HMCN2: variants seen among roughly 807,000 people sequenced by gnomAD.
HMCN2 encodes the protein hemicentin-2.
A neutral mutation model predicts 377.5 loss-of-function variants in HMCN2; 325 were observed. That is an observed-to-expected ratio of 0.86 (90% CI 0.79 to 0.94). The LOEUF is 0.94. HMCN2 is among the 40% of genes least tolerant of loss of function. HMCN2 has a pLI of 0.00. For missense variants in HMCN2, 4,543 were observed against 4,725.3 expected, an observed-to-expected ratio of 0.96 and a Z score of 1.13; for synonymous variants, 2,007 against 2,046.8, an observed-to-expected ratio of 0.98 and a Z score of 0.53.
chr9:130,384,497 G>C lies in HMCN2; in HGVS notation c.8955G>C (p.Gln2985His). The C allele has an allele frequency of 1.5e-6, 2 of 1,304,276 alleles. No homozygotes were observed. Among genetic ancestry groups the C allele is most frequent in the Non-Finnish European group, 2.0e-6 (2 of 988,966 alleles). The allele number at this position is 1,304,276 out of a possible 1,614,324, so 80.8% of individuals were successfully genotyped here. A position where few individuals can be genotyped will look rare whatever the true frequency, so the allele number is the denominator to read the frequency against. Reference protein sequence around the residue: ...NPEVTWYKDSQALSLGEEVFL... With the variant: ...NPEVTWYKDSHALSLGEEVFL... ...AGGTCACGTGGTACAAGGACAGCCA[G>C]GCCCTCTCCCTGGGTGAAGAGGTCT... Residue 2985 changes from glutamine to histidine, a missense_variant, in exon 58 of 98, where the codon CAG becomes CAC. By Grantham distance (24) the Gln-to-His change is conservative. Around this residue, in one of 5 missense-constraint regions of HMCN2, gnomAD observed 736 missense variants for 773.2 expected, o/e 0.95. Transcript: ENST00000683500.
At chr9:130,278,250 G>A (rs1375209219) in intron 1 of HMCN2, among the ~76,000 whole-genome samples, 2 of 151,918 alleles carry the variant, frequency 1.3e-5, no homozygotes, top group East Asian at 3.9e-4. Flanking sequence ...TCAGCCTCCC[G>A]AGTAGCTGGG....
rs1407320232 is a variant in HMCN2 at position 130,363,978 on chromosome 9, GAA to G, written c.6233-734_6233-733del. On this transcript the variant is annotated intron_variant, in intron 40 of 97. Transcript: ENST00000683500. The stretch of plus-strand genomic sequence containing the variant: ...AAAAAAAGAGAAGGAAGGAAGGAAA[GAA>G]AGAAAGAGAAAGGAAGGAAGGAAAG... Among the ~76,000 whole-genome samples the G allele has an allele frequency of 4.0e-5, 6 of 151,154 alleles. No homozygotes were observed. The East Asian group carries it at 1.2e-3, about 29-fold the overall frequency.
Position 130,354,911 on chromosome 9 carries a change from C to G in HMCN2, c.5013C>G (p.Asn1671Lys), listed in dbSNP as rs1251461248. 4 of 1,304,136 alleles carry G rather than the reference C, an allele frequency of 3.1e-6. No individual in the cohort carries two copies. In the Admixed American group the frequency reaches 6.9e-5, roughly 22 times the overall value. 80.8% of individuals were successfully genotyped at this position (1,304,136 alleles called of 1,614,324 possible). A position where few individuals can be genotyped will look rare whatever the true frequency, so the allele number is the denominator to read the frequency against. ...HHEGLPVAES[N>K]ESRLETDGSV... ...AGGGGCTGCCCGTGGCAGAGAGCAACGAGTCGCGGCTGGAGACAGACGGGA... is the reference window on the plus strand; with the variant it reads ...AGGGGCTGCCCGTGGCAGAGAGCAAGGAGTCGCGGCTGGAGACAGACGGGA... The change falls in exon 32 of 98, where the codon AAC becomes AAG. Residue 1671 changes from asparagine (N) to lysine (K), a missense_variant. This residue lies in a region of HMCN2 where 1,032 missense variants were observed against 1,285.1 expected (regional missense o/e 0.80). Transcript: ENST00000683500.
At position 130,369,549 on chromosome 9, in the gene HMCN2, G is replaced by A; in HGVS notation, c.6788-21G>A. ...TGGCCCCAGCAGCTTTCTCTGATGG[G>A]CTTTCTCCCCACCCCAACAGTTCCC... On this transcript the variant is annotated intron_variant, in intron 44 of 97. Coordinates refer to ENST00000683500, the MANE Select transcript of HMCN2 (RefSeq NM_001291815.2). This position sits in a 1 kb window ranked among gnomAD's most constrained non-coding sequence, Gnocchi z 4.5. 1.0e-6 allele frequency: 1 copy of A among 985,488 alleles called. No individual in the cohort carries two copies. The highest frequency in any genetic ancestry group is 1.2e-6 in the Non-Finnish European group (1 of 829,618). The allele number at this position is 985,488 out of a possible 1,614,324, so 61.0% of individuals were successfully genotyped here. A position where few individuals can be genotyped will look rare whatever the true frequency, so the allele number is the denominator to read the frequency against.
chr9:130,430,173 G>C, intron 94 of HMCN2, 111 bp from the exon 95 acceptor site: 1 of 899,840 alleles, frequency 1.1e-6, no homozygotes, highest in East Asian at 2.7e-5. Context: ...GCATGGGAGT[G>C]GCTGGATTCT....
At chr9:130,429,469 G>T in intron 93 of HMCN2, 88 bp from the exon 94 acceptor site, 1 of 1,492,814 alleles carries the variant, frequency 6.7e-7, no homozygotes. Flanking sequence ...CAGGGAGGAG[G>T]CCCAGATATG....
chr9:130,433,359 G>A lies in HMCN2; in HGVS notation c.14906G>A (p.Arg4969Gln), dbSNP rs1286297630. ...TGTGCCGCCCGCAGGACGTGCTTCC[G>A]GCGCTGCTCGCAGGACTGCGGCACG... ...RQGPSPGTCF[R>Q]RCSQDCGTGG... The change falls in exon 98 of 98, where the codon CGG becomes CAG. Residue 4969 changes from arginine to glutamine, a missense_variant. By Grantham distance (43) the Arg-to-Gln change is conservative (BLOSUM62 1). Coordinates refer to ENST00000683500, the MANE Select transcript of HMCN2 (RefSeq NM_001291815.2). The A allele has an allele frequency of 6.9e-7, 1 of 1,457,432 alleles. No homozygotes were observed. The highest frequency in any genetic ancestry group is 9.0e-7 in the Non-Finnish European group (1 of 1,112,240). 90.3% of individuals were successfully genotyped at this position (1,457,432 alleles called of 1,614,324 possible). A position where few individuals can be genotyped will look rare whatever the true frequency, so the allele number is the denominator to read the frequency against.
At chr9:130,368,553 C>A in intron 44 of HMCN2, 116 bp downstream of exon 44, 1 of 455,414 alleles carries the variant, frequency 2.2e-6, no homozygotes, top group Non-Finnish European at 2.9e-6. Flanking sequence ...AGGCTTTCTC[C>A]TCCCTCACGT....
chr9:130,356,484 C>T (rs1345767976), intron 34 of HMCN2, among the ~76,000 whole-genome samples: 1 of 152,206 alleles, frequency 6.6e-6, no homozygotes, highest in Non-Finnish European at 1.5e-5. Context: ...CACTCCTCTC[C>T]CCAGCTTCCT....
chr9:130,346,149 A>G (rs1792519882), intron 25 of HMCN2, among the ~76,000 whole-genome samples: 1 of 151,940 alleles, frequency 6.6e-6, no homozygotes, highest in Admixed American at 6.5e-5. Context: ...GGCTCCCCTG[A>G]GTCAGCGCTG....
intron 74 of HMCN2, 94 bp downstream of exon 74, chr9:130,397,749 C>A: frequency 8.8e-7 from 1 of 1,130,020 alleles, no homozygotes; most frequent in South Asian, 1.5e-5. Flanking sequence ...GGGCCAAGAG[C>A]CAATGGTCTT....
intron 4 of HMCN2, among the ~76,000 whole-genome samples, chr9:130,290,780 A>G (rs1835705872): frequency 6.6e-6 from 1 of 150,570 alleles, no homozygotes; most frequent in Non-Finnish European, 1.5e-5. Flanking sequence ...AAACAGATGC[A>G]TTTTCAGAAT....
At chr9:130,268,263 T>G (rs1449900951) in intron 1 of HMCN2, among the ~76,000 whole-genome samples, 1 of 152,162 alleles carries the variant, frequency 6.6e-6, no homozygotes, top group Non-Finnish European at 1.5e-5. Flanking sequence ...GGCACTGAGC[T>G]GGTGGGCAGT....
At chr9:130,381,937 A>G (rs1272806530) in intron 54 of HMCN2, among the ~76,000 whole-genome samples, 1 of 152,080 alleles carries the variant, frequency 6.6e-6, no homozygotes, top group Admixed American at 6.5e-5. Flanking sequence ...CGTGTGCCCC[A>G]CAGAGGCACT....
intron 1 of HMCN2, among the ~76,000 whole-genome samples, chr9:130,270,095 G>GCTAC (rs1834336657): frequency 6.8e-6 from 1 of 147,962 alleles, no homozygotes; most frequent in African/African-American, 2.4e-5. Context: ...ACAGGCATGA[G>GCTAC]CTACCATGCC....
chr9:130,418,636 G>A (rs1201792414), intron 85 of HMCN2, 136 bp from the exon 86 acceptor site: 13 of 636,392 alleles, frequency 2.0e-5, no homozygotes, highest in Non-Finnish European at 3.1e-5. Flanking sequence ...ACGATGACTG[G>A]GTGGAAGGAT....
At chr9:130,271,213 T>A (rs535783391) in intron 1 of HMCN2, among the ~76,000 whole-genome samples, 1 of 149,022 alleles carries the variant, frequency 6.7e-6, no homozygotes, top group East Asian at 1.9e-4. Flanking sequence ...TTTTCAGATT[T>A]CTCCACTATA....
chr9:130,433,401 T>G lies in HMCN2; in HGVS notation c.14948T>G (p.Leu4983Arg), dbSNP rs1372431430. Residue 4983 changes from leucine (L) to arginine (R), a missense_variant, in exon 98 of 98, where the codon CTG becomes CGG. Transcript: ENST00000683500. ...TGCGGCACGGGCGGCCCCTCTACGCTGCAGTACCGGCTGCTGCCGCTGCCC... is the reference window on the plus strand; with the variant it reads ...TGCGGCACGGGCGGCCCCTCTACGCGGCAGTACCGGCTGCTGCCGCTGCCC... ...QDCGTGGPST[L>R]QYRLLPLPLG... is the part of the protein sequence containing the mutation. The G allele has an allele frequency of 7.4e-6, 11 of 1,493,288 alleles. No homozygotes were observed. The Admixed American group carries it at 2.2e-4, about 30-fold the overall frequency. The allele number at this position is 1,493,288 out of a possible 1,614,324, so 92.5% of individuals were successfully genotyped here. A position where few individuals can be genotyped will look rare whatever the true frequency, so the allele number is the denominator to read the frequency against.
chr9:130,353,210 G>A lies in HMCN2; in HGVS notation c.4864+5G>A, dbSNP rs1564807499. On this transcript the variant is annotated splice_donor_5th_base_variant and intron_variant, in intron 31 of 97. Transcript: ENST00000683500. ...CCACCAGGCTGGATGTTTATGGTGA[G>A]CAGCCAGGGGCCACGGCAGCCGGGG... 7.7e-7 allele frequency: 1 copy of A among 1,302,462 alleles called. No individual in the cohort carries two copies. Among genetic ancestry groups the A allele is most frequent in the East Asian group, 5.6e-5 (1 of 18,010 alleles). 80.7% of individuals were successfully genotyped at this position (1,302,462 alleles called of 1,614,324 possible). A position where few individuals can be genotyped will look rare whatever the true frequency, so the allele number is the denominator to read the frequency against.
Sources: gnomAD v4.1 joint callset for allele counts (sites outside exome capture counted in the v4.1 genomes callset) on GRCh38, gnomAD v4.1.1 for gene constraint, gnomAD v4.1.1 regional missense constraint, Gnocchi (gnomAD v3.1) non-coding constraint, MANE v1.5 for transcripts, NCBI Gene and HGNC (gene_info 2026-07-23, HGNC 2026-07-21) for gene names.